Variants in DOCK2 observed in about 807,000 individuals in gnomAD.
DOCK2 encodes the protein dedicator of cytokinesis 2.
DOCK2 carries 87 observed loss-of-function variants against 248.9 expected under a neutral mutation model. The observed-to-expected ratio is 0.35, with a 90% CI of 0.29 to 0.42. The LOEUF is 0.42. DOCK2 is among the 10% of genes least tolerant of loss of function. The pLI, the probability that DOCK2 is intolerant of heterozygous loss-of-function variation, is 1.00. For synonymous variants in DOCK2, 805 were observed against 821.6 expected (o/e 0.98, Z 0.35); for missense variants, 1,747 against 2,300.2 (o/e 0.76, Z 4.92).
At chr5:169,962,378 G>A (rs984076650) in intron 27 of DOCK2, among the ~76,000 whole-genome samples, 3 of 152,168 alleles carry the variant, frequency 2.0e-5, no homozygotes, top group Non-Finnish European at 4.4e-5. Flanking sequence ...GATGTCAAAG[G>A]TTTCCATAGA....
chr5:169,684,483 T>C (rs1581030004), intron 8 of DOCK2, 133 bp downstream of exon 8: 1 of 1,242,224 alleles, frequency 8.1e-7, no homozygotes, highest in East Asian at 2.4e-5. Context: ...AATGTGGAAA[T>C]AACTTCTTTG....
intron 25 of DOCK2, among the ~76,000 whole-genome samples, chr5:169,773,784 G>A (rs1227676532): frequency 6.6e-6 from 1 of 152,158 alleles, no homozygotes; most frequent in Non-Finnish European, 1.5e-5. Flanking sequence ...TGTTGTGGGT[G>A]TGACCTGGTG....
Position 169,864,577 on chromosome 5 carries a change from C to G in DOCK2, c.2799+23725C>G, listed in dbSNP as rs549555228. On this transcript the variant is annotated intron_variant, in intron 27 of 51. Transcript: ENST00000520908. Reference sequence around the variant, plus strand: ...GAGCTTTGGGATCAAATCCTAGATCCTTAGGTACCTACTGGCTCTTTGACC... The same window carrying G: ...GAGCTTTGGGATCAAATCCTAGATCGTTAGGTACCTACTGGCTCTTTGACC... 2.2e-4 allele frequency: 175 copies of G among 783,140 alleles called. No homozygotes were observed. The African/African-American group carries it at 2.8e-3, about 13-fold the overall frequency. The allele number at this position is 783,140 out of a possible 1,614,324, so 48.5% of individuals were successfully genotyped here.
At chr5:169,851,641 C>A (rs1288469161) in intron 27 of DOCK2, among the ~76,000 whole-genome samples, 1 of 152,138 alleles carries the variant, frequency 6.6e-6, no homozygotes, top group East Asian at 1.9e-4. Context: ...AAGAACTGCC[C>A]AAGATTGAGT....
intron 9 of DOCK2, among the ~76,000 whole-genome samples, chr5:169,692,210 A>T (rs1395232016): frequency 6.6e-6 from 1 of 152,190 alleles, no homozygotes; most frequent in African/African-American, 2.4e-5. Context: ...AGAAAGCAGC[A>T]TATACTACGA....
intron 49 of DOCK2, 189 bp from the exon 50 acceptor site, chr5:170,079,974 G>T: frequency 1.7e-5 from 15 of 865,272 alleles, no homozygotes; most frequent in Non-Finnish European, 2.0e-5. Flanking sequence ...TAGTTGTGTA[G>T]TGTGCAACCT....
intron 34 of DOCK2, among the ~76,000 whole-genome samples, chr5:170,029,453 A>G (rs1055292063): frequency 6.6e-6 from 1 of 152,240 alleles, no homozygotes; most frequent in African/African-American, 2.4e-5. Flanking sequence ...CAGCTGCAAG[A>G]CTTCACACAA....
At chr5:169,781,618 CA>C (rs1339393432) in intron 25 of DOCK2, among the ~76,000 whole-genome samples, 1 of 152,212 alleles carries the variant, frequency 6.6e-6, no homozygotes, top group African/African-American at 2.4e-5. Context: ...ATGAAAGACA[CA>C]GAAGGACTCA....
At position 169,920,842 on chromosome 5, in the gene DOCK2, AC is replaced by A. The variant is rs546616598; in HGVS notation, c.2800-62224del. 6.7e-4 allele frequency among the ~76,000 whole-genome samples: 95 copies of A among 141,658 alleles called. 1 individual carries two copies. In the Middle Eastern group the frequency reaches 0.01, roughly 15 times the overall value. 92.9% of individuals were successfully genotyped at this position (141,658 alleles called of 152,430 possible). ...GTGGATGGCTCTTCTTGTCTTTCTG[AC>A]CTCCACCCTAGGACACCTGTATCTC... On this transcript the variant is annotated intron_variant, in intron 27 of 51. Coordinates refer to ENST00000520908, the MANE Select transcript of DOCK2 (RefSeq NM_004946.3).
intron 5 of DOCK2, among the ~76,000 whole-genome samples, chr5:169,672,501 T>C (rs532305431): frequency 6.6e-6 from 1 of 152,346 alleles, no homozygotes; most frequent in East Asian, 1.9e-4. Flanking sequence ...ATAGCTGCTT[T>C]GGATCTCCTT....
At chr5:169,730,129 G>C (rs1177797983) in intron 22 of DOCK2, among the ~76,000 whole-genome samples, 1 of 151,960 alleles carries the variant, frequency 6.6e-6, no homozygotes, top group Non-Finnish European at 1.5e-5. Context: ...GCTAATTTTT[G>C]TATTTTTAGT....
chr5:169,927,917 G>A lies in DOCK2; in HGVS notation c.2800-55151G>A, dbSNP rs925390874. 1.6e-4 allele frequency among the ~76,000 whole-genome samples: 24 copies of A among 152,262 alleles called. No homozygotes were observed. In the East Asian group the frequency reaches 1.7e-3, roughly 11 times the overall value. The stretch of plus-strand genomic sequence containing the variant: ...AGGCATGAGACACTGCTCCCGGCCC[G>A]AAAAATTCTTTATTCAGGGCTGGAT... On this transcript the variant is annotated intron_variant, in intron 27 of 51. Transcript: ENST00000520908.
At chr5:169,908,719 T>TC (rs1439333782) in intron 27 of DOCK2, among the ~76,000 whole-genome samples, 1 of 145,238 alleles carries the variant, frequency 6.9e-6, no homozygotes, top group African/African-American at 2.5e-5. Flanking sequence ...TTTTCTTTTT[T>TC]TTTTTTTTTT....
intron 2 of DOCK2, among the ~76,000 whole-genome samples, chr5:169,663,841 T>C (rs1026801302): frequency 1.3e-5 from 2 of 152,204 alleles, no homozygotes; most frequent in Non-Finnish European, 2.9e-5. Flanking sequence ...ATCTCTGAAA[T>C]GCCCTGGAGA....
chr5:169,645,106 G>A (rs943915011), intron 1 of DOCK2, among the ~76,000 whole-genome samples: 5 of 152,190 alleles, frequency 3.3e-5, no homozygotes, highest in Admixed American at 6.5e-5. Flanking sequence ...ATAAACATAC[G>A]TGTGCATATG....
At chr5:169,721,495 T>C (rs534042197) in intron 22 of DOCK2, among the ~76,000 whole-genome samples, 59 of 152,240 alleles carry the variant, frequency 3.9e-4, no homozygotes, top group Non-Finnish European at 2.2e-4. Flanking sequence ...GGGGGCATCT[T>C]CTGTGGGAAA....
chr5:169,756,486 A>G (rs565512989), intron 23 of DOCK2, among the ~76,000 whole-genome samples: 2 of 152,212 alleles, frequency 1.3e-5, no homozygotes, highest in South Asian at 4.1e-4. Context: ...ATGGGAAGAA[A>G]CTCAGCACAC....
chr5:169,768,270 C>T (rs1764903294), intron 25 of DOCK2, among the ~76,000 whole-genome samples: 1 of 152,214 alleles, frequency 6.6e-6, no homozygotes, highest in Non-Finnish European at 1.5e-5. Flanking sequence ...GAAGCACACG[C>T]ACATGCAATA....
chr5:169,648,373 G>A (rs552610606), intron 1 of DOCK2, among the ~76,000 whole-genome samples: 1 of 152,136 alleles, frequency 6.6e-6, no homozygotes, highest in Non-Finnish European at 1.5e-5. Context: ...TCCCAGTTGA[G>A]ATCACTGTTT....
Sources: allele counts gnomAD v4.1 joint callset (sites outside exome capture counted in the v4.1 genomes callset), GRCh38; gene constraint gnomAD v4.1.1; transcripts MANE v1.5; gene names NCBI Gene and HGNC (gene_info 2026-07-23, HGNC 2026-07-21).